PLOD2: variants seen among roughly 807,000 people sequenced by gnomAD.
PLOD2 encodes procollagen-lysine,2-oxoglutarate 5-dioxygenase 2.
In PLOD2, 65 loss-of-function variants were observed where a neutral mutation model predicts 101.0. The observed-to-expected ratio is 0.64, with a 90% CI of 0.53 to 0.79. The LOEUF is 0.79. PLOD2 is among the 30% of genes least tolerant of loss of function. The pLI is 0.00. For missense variants in PLOD2, 909 were observed against 914.6 expected, an observed-to-expected ratio of 0.99 and a Z score of 0.08; for synonymous variants, 314 against 302.9, an observed-to-expected ratio of 1.04 and a Z score of -0.38.
At chr3:146,150,473 G>A (rs1444551249) in intron 1 of PLOD2, among the ~76,000 whole-genome samples, 1 of 151,956 alleles carries the variant, frequency 6.6e-6, no homozygotes, top group South Asian at 2.1e-4. Context: ...ACTAACACAG[G>A]AACAGAAATC....
intron 12 of PLOD2, among the ~76,000 whole-genome samples, chr3:146,080,231 T>A (rs995815680): frequency 2.1e-5 from 3 of 140,648 alleles, no homozygotes; most frequent in African/African-American, 7.7e-5. Context: ...ACACATACAC[T>A]ACGTTTTTTC....
At chr3:146,119,423 C>T (rs983562067) in intron 3 of PLOD2, among the ~76,000 whole-genome samples, 1 of 148,622 alleles carries the variant, frequency 6.7e-6, no homozygotes, top group African/African-American at 2.5e-5. Context: ...AGTTTTATAA[C>T]TAGTAATATC....
At chr3:146,081,260 C>A (rs1331454213) in intron 12 of PLOD2, among the ~76,000 whole-genome samples, 1 of 152,010 alleles carries the variant, frequency 6.6e-6, no homozygotes, top group Non-Finnish European at 1.5e-5. Flanking sequence ...GTAAAAAAAA[C>A]TTGTATTTAA....
At chr3:146,091,752 C>T in intron 8 of PLOD2, 48 bp downstream of exon 8, 1 of 1,026,842 alleles carries the variant, frequency 9.7e-7, no homozygotes, top group South Asian at 1.3e-5. Flanking sequence ...TATTTCATGA[C>T]AATGTACTTT....
chr3:146,083,788 A>G (rs567855908), intron 11 of PLOD2, among the ~76,000 whole-genome samples: 8 of 151,624 alleles, frequency 5.3e-5, no homozygotes, highest in Non-Finnish European at 1.0e-4. Context: ...TCACTGTGTT[A>G]GCCAGGATGA....
chr3:146,083,299 A>G (rs1397960226), intron 11 of PLOD2, among the ~76,000 whole-genome samples: 1 of 152,164 alleles, frequency 6.6e-6, no homozygotes, highest in Non-Finnish European at 1.5e-5. Flanking sequence ...AGAGATAGGG[A>G]GAGAAGAGGA....
chr3:146,070,668 G>T lies in PLOD2; in HGVS notation c.*49C>A, dbSNP rs373290722. The stretch of plus-strand genomic sequence containing the variant: ...GCCACAACTTCAAAGACGTGTTCAT[G>T]CCAGTCATTCATCCAAAATAAATTT... On this transcript the variant is annotated 3_prime_UTR_variant, in exon 20 of 20. Transcript: ENST00000282903. The T allele has an allele frequency of 2.3e-5, 29 of 1,271,512 alleles. No homozygotes were observed. Among genetic ancestry groups the T allele is most frequent in the Non-Finnish European group, 3.0e-5 (26 of 873,800 alleles). The allele number at this position is 1,271,512 out of a possible 1,614,324, so 78.8% of individuals were successfully genotyped here.
At chr3:146,158,318 G>A (rs565131373) in intron 1 of PLOD2, among the ~76,000 whole-genome samples, 237 of 152,156 alleles carry the variant, frequency 1.6e-3, no homozygotes, top group African/African-American at 5.5e-3. Context: ...GATTATTTTA[G>A]CCAAAATCTT....
chr3:146,117,876 T>C (rs892642350), intron 3 of PLOD2, among the ~76,000 whole-genome samples: 1 of 151,662 alleles, frequency 6.6e-6, no homozygotes, highest in Non-Finnish European at 1.5e-5. Flanking sequence ...CTTCTTCTCA[T>C]GAGAAAAAAA....
intron 1 of PLOD2, among the ~76,000 whole-genome samples, chr3:146,144,147 A>C (rs2031659899): frequency 6.6e-6 from 1 of 152,008 alleles, no homozygotes; most frequent in Non-Finnish European, 1.5e-5. Flanking sequence ...AATCACTCTA[A>C]TCTCATTTTA....
chr3:146,130,302 A>G (rs925351859), intron 1 of PLOD2, among the ~76,000 whole-genome samples: 3 of 152,176 alleles, frequency 2.0e-5, no homozygotes, highest in African/African-American at 7.2e-5. Context: ...CTGACCTACT[A>G]GAGTAGGCCA....
chr3:146,125,154 TTC>T (rs2030477485), intron 1 of PLOD2, among the ~76,000 whole-genome samples: 1 of 152,146 alleles, frequency 6.6e-6, no homozygotes, highest in South Asian at 2.1e-4. Flanking sequence ...CTTTTCAATA[TTC>T]TCTGAGTAAC....
In PLOD2 at chr3:146,070,680, T is replaced by C. The variant is rs6710; in HGVS notation, c.*37A>G. The C allele has an allele frequency of 0.5, 712,890 of 1,436,042 alleles. 178,195 individuals are homozygous for C. The highest frequency in any genetic ancestry group is 0.55 in the African/African-American group (39,277 of 71,016). The allele number at this position is 1,436,042 out of a possible 1,614,324, so 89.0% of individuals were successfully genotyped here. ...AAGACGTGTTCATGCCAGTCATTCA[T>C]CCAAAATAAATTTCAATTCAATGAA... is the stretch of plus-strand genomic sequence containing the variant. On this transcript the variant is annotated 3_prime_UTR_variant, in exon 20 of 20. Coordinates refer to ENST00000282903, the MANE Select transcript of PLOD2 (RefSeq NM_182943.3).
intron 7 of PLOD2, among the ~76,000 whole-genome samples, chr3:146,100,462 C>T (rs1937347714): frequency 6.6e-6 from 1 of 152,060 alleles, no homozygotes; most frequent in Admixed American, 6.6e-5. Flanking sequence ...ACAGAAGTAG[C>T]TCCAGAGATT....
At chr3:146,154,160 C>T (rs532980101) in intron 1 of PLOD2, among the ~76,000 whole-genome samples, 5 of 152,230 alleles carry the variant, frequency 3.3e-5, no homozygotes, top group African/African-American at 1.2e-4. Context: ...ACTTTCCTGC[C>T]TCAAGTAGCC....
intron 3 of PLOD2, among the ~76,000 whole-genome samples, chr3:146,118,121 T>G (rs1938002954): frequency 1.3e-5 from 2 of 152,152 alleles, no homozygotes; most frequent in South Asian, 2.1e-4. Context: ...AATATGGTTG[T>G]TTGAAATCCA....
chr3:146,079,522 T>C (rs561189188), intron 12 of PLOD2, among the ~76,000 whole-genome samples: 1 of 152,118 alleles, frequency 6.6e-6, no homozygotes, highest in East Asian at 1.9e-4. Context: ...ATAGCTATCA[T>C]ATCTCAATCA....
At position 146,081,743 on chromosome 3, in the gene PLOD2, A is replaced by G. The variant is rs756411125; in HGVS notation, c.1353T>C (p.Asn451=). ...SEDYVDIVQG[N]RVGVWNVPYM... is the part of the protein sequence containing the mutation. ...TATTAAACCAAGTAACTTACACTCTATTCCCTTGAACAATATCCACATAAT... is the reference window on the plus strand; with the variant it reads ...TATTAAACCAAGTAACTTACACTCTGTTCCCTTGAACAATATCCACATAAT... The change falls in exon 12 of 20, where the codon AAT becomes AAC. Residue 451 remains asparagine (N), a synonymous_variant. Coordinates refer to ENST00000282903, the MANE Select transcript of PLOD2 (RefSeq NM_182943.3). 2 of 1,605,508 alleles carry G rather than the reference A, an allele frequency of 1.2e-6. No homozygotes were observed. The highest frequency in any genetic ancestry group is 1.7e-5 in the Admixed American group (1 of 59,986).
intron 1 of PLOD2, among the ~76,000 whole-genome samples, chr3:146,147,102 C>A (rs1256837299): frequency 6.6e-6 from 1 of 152,052 alleles, no homozygotes; most frequent in South Asian, 2.1e-4. Context: ...AAAGTTAGTT[C>A]ATATGAAAAG....
Sources: allele counts gnomAD v4.1 joint callset (sites outside exome capture counted in the v4.1 genomes callset), GRCh38; gene constraint gnomAD v4.1.1; transcripts MANE v1.5; gene names NCBI Gene and HGNC (gene_info 2026-07-23, HGNC 2026-07-21).